ANKRD30BL: variants seen among roughly 807,000 people sequenced by gnomAD.
The protein encoded by ANKRD30BL is putative ankyrin repeat domain-containing protein 30B-like.
In ANKRD30BL, 20 loss-of-function variants were observed where a neutral mutation model predicts 18.4. The observed-to-expected ratio is 1.09, with a 90% confidence interval of 0.77 to 1.58. The LOEUF (loss-of-function observed/expected upper bound fraction) is 1.58, where lower values mean the gene tolerates loss of function less well. Ranked by LOEUF, ANKRD30BL falls within the 40% of genes most tolerant of loss-of-function variation. The pLI is 0.00. For synonymous variants in ANKRD30BL, 72 were observed against 100.9 expected, an observed-to-expected ratio of 0.71 and a Z score of 1.72; for missense variants, 224 against 268.6, an observed-to-expected ratio of 0.83 and a Z score of 1.16.
intron 1 of ANKRD30BL, among the ~76,000 whole-genome samples, chr2:132,237,653 T>A (rs1680195019): frequency 6.6e-6 from 1 of 152,094 alleles, no homozygotes; most frequent in Non-Finnish European, 1.5e-5. Flanking sequence ...TCTCAGAAAC[T>A]GCTTTGTGAT....
chr2:132,196,399 G>A (rs1678970508), intron 1 of ANKRD30BL, among the ~76,000 whole-genome samples: 1 of 152,078 alleles, frequency 6.6e-6, no homozygotes, highest in Non-Finnish European at 1.5e-5. Flanking sequence ...GCAGTGAGCA[G>A]AGATCACGCC....
chr2:132,201,601 C>T (rs1414322513), intron 1 of ANKRD30BL, among the ~76,000 whole-genome samples: 1 of 152,178 alleles, frequency 6.6e-6, no homozygotes, highest in Non-Finnish European at 1.5e-5. Flanking sequence ...GATACCTTCT[C>T]ACACCAGTTA....
intron 1 of ANKRD30BL, among the ~76,000 whole-genome samples, chr2:132,256,578 C>G (rs1001863151): frequency 6.6e-6 from 1 of 152,354 alleles, no homozygotes; most frequent in South Asian, 2.1e-4. Flanking sequence ...CGGCCCCTCG[C>G]GGCACCTGGA....
intron 1 of ANKRD30BL, among the ~76,000 whole-genome samples, chr2:132,188,140 G>T (rs757008988): frequency 3.3e-5 from 5 of 152,028 alleles, no homozygotes; most frequent in Non-Finnish European, 7.4e-5. Context: ...TTTTCTATAT[G>T]TCTGATTTAT....
intron 1 of ANKRD30BL, among the ~76,000 whole-genome samples, chr2:132,229,657 T>G (rs1573868944): frequency 6.6e-6 from 1 of 152,084 alleles, no homozygotes; most frequent in Admixed American, 6.6e-5. Flanking sequence ...TCTCAGAAAC[T>G]TCTTAGTGAT....
chr2:132,175,168 C>T lies in ANKRD30BL; in HGVS notation n.442-18022G>A, dbSNP rs190509816. ...GCGCTCAGCATACCAAGGACGTGCA[C>T]CAGCACCGGACTCTGAGTTCCCTCA... On this transcript the variant is annotated intron_variant and non_coding_transcript_variant, in intron 1 of 4. Coordinates refer to the ANKRD30BL transcript ENST00000470729. Among the ~76,000 whole-genome samples the T allele has an allele frequency of 1.3e-4, 20 of 151,040 alleles. No individual in the cohort carries two copies. In the East Asian group the frequency reaches 3.5e-3, roughly 27 times the overall value.
chr2:132,183,731 A>G (rs1688515656), intron 1 of ANKRD30BL, among the ~76,000 whole-genome samples: 1 of 152,142 alleles, frequency 6.6e-6, no homozygotes, highest in Admixed American at 6.6e-5. Flanking sequence ...GTGTATGTAT[A>G]TATGCATATA....
rs1687651262 is a variant in ANKRD30BL at position 132,148,003 on chromosome 2, G to A, written c.*128C>T. 1.4e-6 allele frequency: 1 copy of A among 709,236 alleles called. No individual in the cohort carries two copies. The highest frequency in any genetic ancestry group is 2.7e-5 in the East Asian group (1 of 36,408). The allele number at this position is 709,236 out of a possible 1,614,324, so 43.9% of individuals were successfully genotyped here. On this transcript the variant is annotated 3_prime_UTR_variant, in exon 6 of 6. Coordinates refer to ENST00000409867, the MANE Select transcript of ANKRD30BL (RefSeq NM_001358416.1). ...TTTAAAACGGAGAACAAAGAACAGA[G>A]AAGCTGAACATACTGACATATTTGT...
intron 1 of ANKRD30BL, among the ~76,000 whole-genome samples, chr2:132,221,368 A>T (rs1263426123): frequency 5.7e-4 from 36 of 63,226 alleles, no homozygotes; most frequent in African/African-American, 1.3e-3. Context: ...GGGAGGGGGG[A>T]GGGGGGGTCA....
chr2:132,186,754 T>A (rs1688567006), intron 1 of ANKRD30BL, among the ~76,000 whole-genome samples: 1 of 152,182 alleles, frequency 6.6e-6, no homozygotes, highest in Admixed American at 6.6e-5. Flanking sequence ...TTATCAGAGG[T>A]AGATGAAACT....
chr2:132,168,070 C>T (rs1244254485), intron 1 of ANKRD30BL, among the ~76,000 whole-genome samples: 1 of 152,116 alleles, frequency 6.6e-6, no homozygotes, highest in South Asian at 2.1e-4. Context: ...ACTTGAAGAA[C>T]TTCCTTTAGT....
chr2:132,231,211 C>T (rs2104782827), intron 1 of ANKRD30BL, among the ~76,000 whole-genome samples: 1 of 152,264 alleles, frequency 6.6e-6, no homozygotes, highest in Admixed American at 6.5e-5. Flanking sequence ...TGGTTGTATT[C>T]AACTCACAGA....
intron 1 of ANKRD30BL, among the ~76,000 whole-genome samples, chr2:132,187,558 C>G (rs1404299831): frequency 6.6e-6 from 1 of 151,918 alleles, no homozygotes; most frequent in African/African-American, 2.4e-5. Context: ...TCGTGATGAG[C>G]CCACCTCGGC....
intron 1 of ANKRD30BL, among the ~76,000 whole-genome samples, chr2:132,233,286 A>G (rs1485944303): frequency 6.6e-6 from 1 of 151,466 alleles, no homozygotes. Context: ...ACTAATGAGC[A>G]AAATAACCAG....
At chr2:132,221,545 G>A (rs1363498377) in intron 1 of ANKRD30BL, among the ~76,000 whole-genome samples, 1 of 133,972 alleles carries the variant, frequency 7.5e-6, no homozygotes, top group Non-Finnish European at 1.6e-5. Flanking sequence ...GGAGGGAGGT[G>A]GGGGGGTCAG....
At chr2:132,150,419 G>A (rs993651417) in intron 5 of ANKRD30BL, among the ~76,000 whole-genome samples, 62 of 151,384 alleles carry the variant, frequency 4.1e-4, no homozygotes, top group African/African-American at 1.5e-3. Flanking sequence ...TCTATTATTT[G>A]TGGCTTGTAA....
chr2:132,251,460 C>G (rs1295963567), intron 1 of ANKRD30BL, among the ~76,000 whole-genome samples: 3 of 152,238 alleles, frequency 2.0e-5, no homozygotes, highest in Non-Finnish European at 4.4e-5. Context: ...TGCTGACACT[C>G]TGACACGTTT....
intron 1 of ANKRD30BL, among the ~76,000 whole-genome samples, chr2:132,254,924 C>G (rs1003861693): frequency 2.6e-5 from 4 of 152,148 alleles, no homozygotes; most frequent in Non-Finnish European, 5.9e-5. Flanking sequence ...CAATCCTGTC[C>G]GTGTCCAGGC....
chr2:132,205,046 A>C (rs945237255), intron 1 of ANKRD30BL, among the ~76,000 whole-genome samples: 1 of 152,212 alleles, frequency 6.6e-6, no homozygotes, highest in African/African-American at 2.4e-5. Context: ...GTGCTGTGGG[A>C]ATTTTATACA....
Sources: gnomAD v4.1 joint callset for allele counts (sites outside exome capture counted in the v4.1 genomes callset) on GRCh38, gnomAD v4.1.1 for gene constraint, MANE v1.5 for transcripts, NCBI Gene and HGNC (gene_info 2026-07-23, HGNC 2026-07-21) for gene names.